The following GRIK4 variants were observed in gnomAD, a reference collection of about 807,000 sequenced individuals.
GRIK4 encodes the protein glutamate receptor ionotropic, kainate 4.
GRIK4 carries 40 observed loss-of-function variants against 104.9 expected under a neutral mutation model. That is an observed-to-expected ratio of 0.38 (90% CI 0.30 to 0.50). GRIK4 has a LOEUF of 0.50. Ranked by LOEUF, GRIK4 falls within the 20% of genes least tolerant of loss-of-function variation. The pLI, the probability that GRIK4 is intolerant of heterozygous loss-of-function variation, is 0.93. For missense variants in GRIK4, 1,047 were observed against 1,308.1 expected, an observed-to-expected ratio of 0.80 and a Z score of 3.08; for synonymous variants, 485 against 524.9, an observed-to-expected ratio of 0.92 and a Z score of 1.04.
At chr11:120,931,039 C>T (rs1187438917) in intron 13 of GRIK4, among the ~76,000 whole-genome samples, 1 of 152,172 alleles carries the variant, frequency 6.6e-6, no homozygotes, top group African/African-American at 2.4e-5. Flanking sequence ...TGTATTATTT[C>T]CTTTGTCCTC....
chr11:120,831,737 C>G, intron 6 of GRIK4, 115 bp from the exon 7 acceptor site: 1 of 717,514 alleles, frequency 1.4e-6, no homozygotes, highest in Non-Finnish European at 2.4e-6. Context: ...GTCAGTGGGG[C>G]CAGACCCCCC....
At chr11:120,557,625 A>T (rs1294477506) in intron 1 of GRIK4, among the ~76,000 whole-genome samples, 2 of 152,210 alleles carry the variant, frequency 1.3e-5, no homozygotes, top group African/African-American at 4.8e-5. Context: ...CAGGCTGAAA[A>T]TGAGCAGCAT....
At chr11:120,710,900 T>A (rs7944756) in intron 3 of GRIK4, among the ~76,000 whole-genome samples, 19,494 of 152,120 alleles carry the variant, frequency 0.13, 1,338 homozygotes, top group African/African-American at 0.15. Context: ...ATAAATTAAC[T>A]GGGAGTCTTC....
At chr11:120,687,217 G>T (rs1010922292) in intron 3 of GRIK4, among the ~76,000 whole-genome samples, 1 of 152,182 alleles carries the variant, frequency 6.6e-6, no homozygotes, top group Non-Finnish European at 1.5e-5. Flanking sequence ...AGTGAAGCGG[G>T]TTCCCCAGGC....
intron 14 of GRIK4, among the ~76,000 whole-genome samples, chr11:120,947,546 C>G (rs187931882): frequency 3.9e-5 from 6 of 152,190 alleles, no homozygotes; most frequent in Admixed American, 3.9e-4. Context: ...GCTAAGTAAA[C>G]CAGTGAATCA....
At chr11:120,846,540 C>G (rs1403097862) in intron 8 of GRIK4, among the ~76,000 whole-genome samples, 3 of 152,140 alleles carry the variant, frequency 2.0e-5, no homozygotes, top group Non-Finnish European at 4.4e-5. Context: ...GTTATAGTTC[C>G]TTTTGTGCCT....
In GRIK4 at chr11:120,890,071, C is replaced by T. The variant is rs115212524; in HGVS notation, c.1165-8461C>T. ...GAGGGTGGAACTTGAACCCAAATCT[C>T]CTGACTTCTGGCCGGCTGCATTCCC... On this transcript the variant is annotated intron_variant, in intron 11 of 20. Coordinates refer to ENST00000527524, the MANE Select transcript of GRIK4 (RefSeq NM_014619.5). Among the ~76,000 whole-genome samples the T allele has an allele frequency of 9.9e-3, 1,511 of 152,230 alleles. 22 individuals are homozygous for T. Among genetic ancestry groups the T allele is most frequent in the African/African-American group, 0.034 (1,396 of 41,522 alleles).
chr11:120,548,524 C>CT (rs1334745819), intron 1 of GRIK4, among the ~76,000 whole-genome samples: 2 of 152,066 alleles, frequency 1.3e-5, no homozygotes, highest in African/African-American at 4.8e-5. Flanking sequence ...GGAGATGAGG[C>CT]TACAGAGGCA....
At chr11:120,631,139 G>C (rs551525267) in intron 1 of GRIK4, among the ~76,000 whole-genome samples, 1 of 152,214 alleles carries the variant, frequency 6.6e-6, no homozygotes, top group African/African-American at 2.4e-5. Context: ...CACGGTGTCC[G>C]GCTGCTACGC....
At chr11:120,959,150 T>G (rs904234293) in intron 16 of GRIK4, among the ~76,000 whole-genome samples, 53 of 152,314 alleles carry the variant, frequency 3.5e-4, no homozygotes, top group African/African-American at 1.3e-3. Flanking sequence ...CTCACAACTC[T>G]CCAGCAATAG....
At chr11:120,853,303 A>G (rs1222723779) in intron 8 of GRIK4, among the ~76,000 whole-genome samples, 6 of 152,150 alleles carry the variant, frequency 3.9e-5, no homozygotes, top group African/African-American at 9.7e-5. Context: ...GTAAAGGAGT[A>G]TTCGGTGAGG....
rs1198476661 is a variant in GRIK4 at position 120,524,821 on chromosome 11, G to T, written c.-159+12934G>T. On this transcript the variant is annotated intron_variant, in intron 1 of 20. Transcript: ENST00000527524. This position sits in a 1 kb window ranked among gnomAD's most constrained non-coding sequence, Gnocchi z 4.5. ...CACGCGGAGCTAGTTACGTGGCAGG[G>T]CACTGGGCAGGTCAGGATTGGGTAC... is the stretch of plus-strand genomic sequence containing the variant. Among the ~76,000 whole-genome samples the T allele has an allele frequency of 6.6e-6, 1 of 152,194 alleles. No homozygotes were observed. The highest frequency in any genetic ancestry group is 2.4e-5 in the African/African-American group (1 of 41,436).
intron 11 of GRIK4, among the ~76,000 whole-genome samples, chr11:120,879,388 A>T (rs1387527318): frequency 2.0e-5 from 3 of 152,172 alleles, no homozygotes; most frequent in Non-Finnish European, 4.4e-5. Flanking sequence ...TCCTGTCTGG[A>T]TGAGTGACTA....
intron 11 of GRIK4, chr11:120,894,532 A>G (rs1290246880): frequency 1.3e-5 from 2 of 152,320 alleles, no homozygotes; most frequent in Non-Finnish European, 2.9e-5. Context: ...GTCCAAATCC[A>G]TACCTTCTCC....
At chr11:120,803,966 G>A (rs375333892) in intron 4 of GRIK4, among the ~76,000 whole-genome samples, 3 of 152,204 alleles carry the variant, frequency 2.0e-5, no homozygotes, top group East Asian at 1.9e-4. Context: ...GTCAATGGCT[G>A]AGCTGGTTCT....
intron 11 of GRIK4, chr11:120,894,398 C>T (rs1271676516): frequency 6.6e-6 from 1 of 152,218 alleles, no homozygotes; most frequent in Non-Finnish European, 1.5e-5. Flanking sequence ...TTGTGCAACA[C>T]CCAAGGATGA....
At chr11:120,807,258 G>A (rs190386979) in intron 4 of GRIK4, among the ~76,000 whole-genome samples, 4 of 152,196 alleles carry the variant, frequency 2.6e-5, no homozygotes, top group East Asian at 1.9e-4. Flanking sequence ...TTTCTCCTGC[G>A]GTTAATGAAT....
intron 12 of GRIK4, among the ~76,000 whole-genome samples, chr11:120,899,503 G>A (rs1015001197): frequency 6.6e-6 from 1 of 151,226 alleles, no homozygotes; most frequent in Non-Finnish European, 1.5e-5. Flanking sequence ...TAATTGCCAA[G>A]TTCACCCTCC....
At chr11:120,669,023 G>A (rs1040179895) in intron 3 of GRIK4, among the ~76,000 whole-genome samples, 5 of 152,054 alleles carry the variant, frequency 3.3e-5, no homozygotes, top group South Asian at 4.1e-4. Flanking sequence ...TTGCCTGCCC[G>A]GATCACCCTT....
Sources: gnomAD v4.1 joint callset for allele counts (sites outside exome capture counted in the v4.1 genomes callset) on GRCh38, gnomAD v4.1.1 for gene constraint, Gnocchi (gnomAD v3.1) non-coding constraint, MANE v1.5 for transcripts, NCBI Gene and HGNC (gene_info 2026-07-23, HGNC 2026-07-21) for gene names.